Variants in PPP1R9A observed in about 807,000 individuals in gnomAD.
The protein encoded by PPP1R9A is neurabin-1.
Under a neutral mutation model 141.9 loss-of-function variants are expected in PPP1R9A, and 59 were observed. The ratio of observed to expected loss-of-function variants is 0.42; its 90% CI spans 0.34 to 0.52. The LOEUF is 0.52. Ranked by LOEUF, PPP1R9A falls within the 20% of genes least tolerant of loss-of-function variation. PPP1R9A has a pLI of 0.10. For missense variants in PPP1R9A, 1,444 were observed against 1,611.9 expected (o/e 0.90, Z 1.78); for synonymous variants, 500 against 569.7 (o/e 0.88, Z 1.74).
At position 94,993,739 on chromosome 7, in the gene PPP1R9A, C is replaced by T. The variant is rs1337165657; in HGVS notation, c.1395+82231C>T. Among the ~76,000 whole-genome samples, 3 of 152,136 alleles carry T rather than the reference C, an allele frequency of 2.0e-5. No individual in the cohort carries two copies. In the East Asian group the frequency reaches 5.8e-4, roughly 29 times the overall value. ...TTTTAAAAATACTTTTATTTTATAT[C>T]TTTTAATCTTACTGGACTCTATTAG... On this transcript the variant is annotated intron_variant, in intron 2 of 19. Coordinates refer to ENST00000433360, the MANE Select transcript of PPP1R9A (RefSeq NM_001166160.2).
intron 2 of PPP1R9A, among the ~76,000 whole-genome samples, chr7:94,953,482 C>T (rs1796708372): frequency 6.6e-6 from 1 of 152,004 alleles, no homozygotes; most frequent in African/African-American, 2.4e-5. Context: ...GTAGTTTTTT[C>T]TAATTCTGTG....
intron 13 of PPP1R9A, 126 bp from the exon 14 acceptor site, chr7:95,269,081 G>T: frequency 1.1e-6 from 1 of 889,892 alleles, no homozygotes; most frequent in South Asian, 1.9e-5. Flanking sequence ...ATTCTCATCT[G>T]TAAATCAACA....
intron 4 of PPP1R9A, among the ~76,000 whole-genome samples, chr7:95,146,250 GTGA>G (rs1245461259): frequency 6.6e-6 from 1 of 152,182 alleles, no homozygotes; most frequent in Non-Finnish European, 1.5e-5. Context: ...CTAATGACCG[GTGA>G]TGATGAGCTT....
At chr7:95,148,084 G>C (rs530996551) in intron 4 of PPP1R9A, among the ~76,000 whole-genome samples, 3 of 152,072 alleles carry the variant, frequency 2.0e-5, no homozygotes, top group African/African-American at 7.2e-5. Flanking sequence ...ATTATTGAAT[G>C]CATATATATT....
intron 2 of PPP1R9A, among the ~76,000 whole-genome samples, chr7:94,989,741 TTA>T (rs761249510): frequency 2.0e-5 from 3 of 152,126 alleles, no homozygotes; most frequent in Non-Finnish European, 2.9e-5. Flanking sequence ...TTTGTAATAC[TTA>T]TTTACTAAAT....
intron 2 of PPP1R9A, among the ~76,000 whole-genome samples, chr7:94,977,411 T>G (rs1438557230): frequency 6.6e-6 from 1 of 152,088 alleles, no homozygotes; most frequent in Non-Finnish European, 1.5e-5. Context: ...TTAAGAAACA[T>G]GTTTCAAGAA....
At chr7:95,268,753 C>CA (rs751945112) in intron 13 of PPP1R9A, 46 bp downstream of exon 13, 65 of 1,587,704 alleles carry the variant, frequency 4.1e-5, no homozygotes, top group Non-Finnish European at 5.6e-5. Context: ...TGGAGTATAT[C>CA]ATTGTTCCTA....
chr7:95,051,615 A>G (rs749700077), intron 2 of PPP1R9A, among the ~76,000 whole-genome samples: 3 of 152,182 alleles, frequency 2.0e-5, no homozygotes, highest in Admixed American at 1.3e-4. Context: ...AGGAAATAGT[A>G]TGTATAAATT....
chr7:95,262,951 A>G (rs1041258216), intron 12 of PPP1R9A, among the ~76,000 whole-genome samples: 1 of 152,234 alleles, frequency 6.6e-6, no homozygotes, highest in East Asian at 1.9e-4. Context: ...TTCCCCATAC[A>G]ATACTAAAAT....
intron 2 of PPP1R9A, among the ~76,000 whole-genome samples, chr7:94,925,563 T>C (rs552350189): frequency 9.3e-4 from 142 of 152,172 alleles, no homozygotes; most frequent in African/African-American, 3.3e-3. Context: ...GGCAGTGTGT[T>C]GTAGGAGAGG....
chr7:95,076,541 A>G (rs1305285256), intron 2 of PPP1R9A, among the ~76,000 whole-genome samples: 7 of 152,148 alleles, frequency 4.6e-5, no homozygotes, highest in Admixed American at 4.6e-4. Flanking sequence ...CAATTATTGT[A>G]TGTTTACAAA....
intron 16 of PPP1R9A, among the ~76,000 whole-genome samples, chr7:95,275,403 CAAA>C (rs10708689): frequency 8.3e-5 from 8 of 96,852 alleles, no homozygotes; most frequent in Non-Finnish European, 1.3e-4. Flanking sequence ...GACTCCGTCT[CAAA>C]AAAAAAAAAA....
chr7:95,148,044 T>TG (rs1827963879), intron 4 of PPP1R9A, among the ~76,000 whole-genome samples: 1 of 152,192 alleles, frequency 6.6e-6, no homozygotes, highest in Non-Finnish European at 1.5e-5. Flanking sequence ...TTTGGGATGC[T>TG]GTAAAAGCAG....
At chr7:95,128,533 C>G (rs938072376) in intron 4 of PPP1R9A, among the ~76,000 whole-genome samples, 1 of 152,008 alleles carries the variant, frequency 6.6e-6, no homozygotes, top group African/African-American at 2.4e-5. Context: ...TCCCACTCAT[C>G]AATTTTTCTT....
chr7:95,004,000 T>C (rs1032183494), intron 2 of PPP1R9A, among the ~76,000 whole-genome samples: 1 of 152,122 alleles, frequency 6.6e-6, no homozygotes, highest in Non-Finnish European at 1.5e-5. Flanking sequence ...CATGGGCCAG[T>C]GTGCAGTACT....
chr7:95,152,140 C>A (rs1233766030), intron 4 of PPP1R9A, among the ~76,000 whole-genome samples: 1 of 151,324 alleles, frequency 6.6e-6, no homozygotes, highest in African/African-American at 2.4e-5. Context: ...TTAGTAGAGA[C>A]GGGGTTTCAC....
rs1797858139 is a variant in PPP1R9A, at chr7:95,244,523, G to C, written c.2113-2950G>C. Among the ~76,000 whole-genome samples, 3 of 152,070 alleles carry C rather than the reference G, an allele frequency of 2.0e-5. No individual in the cohort carries two copies. In the South Asian group the frequency reaches 6.2e-4, roughly 31 times the overall value. On this transcript the variant is annotated intron_variant, in intron 8 of 19. Coordinates refer to ENST00000433360, the MANE Select transcript of PPP1R9A (RefSeq NM_001166160.2). ...CTGAGGCCCAGAGAAGCAACTTATA[G>C]AAGACACAGTGATCTGAGAAAAGAA...
chr7:95,269,338 G>A lies in PPP1R9A; in HGVS notation c.2955G>A (p.Ser985=), dbSNP rs527569206. Residue 985 remains serine, a synonymous_variant, in exon 14 of 20, where the codon TCG becomes TCA. Coordinates refer to ENST00000433360, the MANE Select transcript of PPP1R9A (RefSeq NM_001166160.2). ...LTPVDSNVPF[S]SDHIAEFQEE... The stretch of plus-strand genomic sequence containing the variant: ...CGGTGGATAGCAATGTGCCCTTCTC[G>A]TCTGACCACATAGCTGAATTTCAAG... 47 of 1,598,492 alleles carry A rather than the reference G, an allele frequency of 2.9e-5. No homozygotes were observed. Among genetic ancestry groups the A allele is most frequent in the African/African-American group, 5.3e-5 (4 of 74,916 alleles).
intron 4 of PPP1R9A, among the ~76,000 whole-genome samples, chr7:95,150,977 G>C (rs1387309139): frequency 6.6e-6 from 1 of 152,164 alleles, no homozygotes; most frequent in Non-Finnish European, 1.5e-5. Flanking sequence ...CTATATACCT[G>C]TTACAATAGC....
Sources: allele counts gnomAD v4.1 joint callset (sites outside exome capture counted in the v4.1 genomes callset), GRCh38; gene constraint gnomAD v4.1.1; transcripts MANE v1.5; gene names NCBI Gene and HGNC (gene_info 2026-07-23, HGNC 2026-07-21).